The following COL16A1 variants were observed in gnomAD, a reference collection of about 807,000 sequenced individuals.
COL16A1 encodes collagen alpha-1(XVI) chain.
A neutral mutation model predicts 266.3 loss-of-function variants in COL16A1; 189 were observed. The ratio of observed to expected loss-of-function variants is 0.71; its 90% CI spans 0.63 to 0.80. COL16A1 has a LOEUF of 0.80. Ranked by LOEUF, COL16A1 falls within the 30% of genes least tolerant of loss-of-function variation. The probability of loss-of-function intolerance (pLI) is 0.00; values close to 1 mark genes in which losing one functional copy is unlikely to be tolerated. For synonymous variants in COL16A1, 740 were observed against 782.3 expected (o/e 0.95, Z 0.90); for missense variants, 1,928 against 2,122.4 (o/e 0.91, Z 1.80).
At chr1:31,681,175 C>T in intron 37 of COL16A1, 108 bp from the exon 38 acceptor site, 1 of 1,451,696 alleles carries the variant, frequency 6.9e-7, no homozygotes, top group Non-Finnish European at 9.1e-7. Context: ...CCAGGTTCCC[C>T]TGGAGCCCAG....
chr1:31,661,837 G>T, intron 58 of COL16A1, 133 bp from the exon 59 acceptor site: 2 of 964,054 alleles, frequency 2.1e-6, no homozygotes, highest in Non-Finnish European at 3.1e-6. Context: ...GCCTGGCTCA[G>T]CCTCTGACTG....
rs375549047 is a variant in COL16A1 at position 31,668,183 on chromosome 1, C to T, written c.3285G>A (p.Thr1095=). Residue 1095 remains threonine (T), a synonymous_variant, in exon 51 of 71, where the codon ACG becomes ACA. Transcript: ENST00000373672. The surrounding 1 kb of genome is among the most constrained non-coding windows in gnomAD (Gnocchi z 5.8). ...PPGQPGYPGA[T]GPPGLPGIKG... is the part of the protein sequence containing the mutation. ...TACTCACAGGCAGTCCTGGGGGGCC[C>T]GTGGCACCTGGGTAACCTGGTTGCC... 1.4e-4 allele frequency: 228 copies of T among 1,612,790 alleles called. 1 individual carries two copies. The African/African-American group carries it at 2.6e-3, about 18-fold the overall frequency.
intron 42 of COL16A1, among the ~76,000 whole-genome samples, chr1:31,676,324 CAAAA>C (rs11449957): frequency 7.0e-5 from 7 of 100,312 alleles, no homozygotes; most frequent in Admixed American, 1.9e-4. Flanking sequence ...GACTCCGTCT[CAAAA>C]AAAAAAAAAA....
rs1643939167 is a variant in COL16A1 at position 31,685,736 on chromosome 1, T to C, written c.1919A>G (p.Asn640Ser). The change falls in exon 29 of 71, where the codon AAC becomes AGC. Residue 640 changes from asparagine (N) to serine (S), a missense_variant. Around this residue, in one of 2 missense-constraint regions of COL16A1, gnomAD observed 1,552 missense variants for 1,637.2 expected, o/e 0.95. Transcript: ENST00000373672. The surrounding 1 kb of genome is among the most constrained non-coding windows in gnomAD (Gnocchi z 4.0). Reference protein sequence around the residue: ...EPCEPCPALSNLQDGDVRVVA... With the variant: ...EPCEPCPALSSLQDGDVRVVA... ...CACACGGACATCCCCATCCTGAAGGTTGGACAGGGCTGGGCACGGCTCACA... is the reference window on the plus strand; with the variant it reads ...CACACGGACATCCCCATCCTGAAGGCTGGACAGGGCTGGGCACGGCTCACA... The C allele has an allele frequency of 1.9e-6, 3 of 1,613,710 alleles. No individual in the cohort carries two copies. Among genetic ancestry groups the C allele is most frequent in the East Asian group, 4.5e-5 (2 of 44,876 alleles).
Position 31,692,087 on chromosome 1 carries a change from A to T in COL16A1, c.1195-20T>A. On this transcript the variant is annotated intron_variant, in intron 16 of 70. Transcript: ENST00000373672. ...CTGGCCCTGGGGAAGGAAGAAGCAGAGTGACCAGGATGAGGGAAGGGCCTG... is the reference window on the plus strand; with the variant it reads ...CTGGCCCTGGGGAAGGAAGAAGCAGTGTGACCAGGATGAGGGAAGGGCCTG... The T allele has an allele frequency of 6.2e-7, 1 of 1,613,388 alleles. No homozygotes were observed. The highest frequency in any genetic ancestry group is 8.5e-7 in the Non-Finnish European group (1 of 1,179,958).
At chr1:31,655,717 C>A in intron 66 of COL16A1, 2 of 763,118 alleles carry the variant, frequency 2.6e-6, no homozygotes, top group Non-Finnish European at 4.0e-6. Flanking sequence ...TGATGGCTCC[C>A]AAATGTCCTC....
chr1:31,659,355 A>G (rs1319024682), intron 62 of COL16A1, among the ~76,000 whole-genome samples: 1 of 152,036 alleles, frequency 6.6e-6, no homozygotes, highest in African/African-American at 2.4e-5. Context: ...AGGAGGGAAG[A>G]CCAGAAGCTG....
chr1:31,690,110 AC>A (rs1644191975), intron 22 of COL16A1: 2 of 639,476 alleles, frequency 3.1e-6, no homozygotes, highest in Non-Finnish European at 5.3e-6. Context: ...AGACATGGAA[AC>A]TTGGGCTAAG....
rs1333193237 is a variant in COL16A1 at position 31,652,606 on chromosome 1, A to G, written c.*45T>C. The stretch of plus-strand genomic sequence containing the variant: ...TCACAGAGTCCTATAAGCTTTGGCC[A>G]TTTATTCCCAACGGAGTCTTTCATC... On this transcript the variant is annotated 3_prime_UTR_variant, in exon 71 of 71. Coordinates refer to ENST00000373672, the MANE Select transcript of COL16A1 (RefSeq NM_001856.4). This position sits in a 1 kb window ranked among gnomAD's most constrained non-coding sequence, Gnocchi z 4.8. 6 of 1,508,614 alleles carry G rather than the reference A, an allele frequency of 4.0e-6. No individual in the cohort carries two copies. Among genetic ancestry groups the G allele is most frequent in the Non-Finnish European group, 5.3e-6 (6 of 1,130,644 alleles). The allele number at this position is 1,508,614 out of a possible 1,614,324, so 93.5% of individuals were successfully genotyped here.
Position 31,685,621 on chromosome 1 carries a change from G to T in COL16A1, c.2016+18C>A, listed in dbSNP as rs769255197. The T allele has an allele frequency of 1.9e-6, 3 of 1,612,568 alleles. No individual in the cohort carries two copies. The highest frequency in any genetic ancestry group is 3.3e-5 in the Admixed American group (2 of 59,934). ...CTGCATCCCCCGTCCAGAGGCCCCTGCCTATATCCCACCTCACCTGTTTTC... is the reference window on the plus strand; with the variant it reads ...CTGCATCCCCCGTCCAGAGGCCCCTTCCTATATCCCACCTCACCTGTTTTC... On this transcript the variant is annotated intron_variant, in intron 29 of 70. Coordinates refer to ENST00000373672, the MANE Select transcript of COL16A1 (RefSeq NM_001856.4). The surrounding 1 kb of genome is among the most constrained non-coding windows in gnomAD (Gnocchi z 4.0).
At chr1:31,653,833 C>T (rs778155393) in intron 69 of COL16A1, 34 bp downstream of exon 69, 23 of 1,592,510 alleles carry the variant, frequency 1.4e-5, no homozygotes, top group Non-Finnish European at 8.6e-7. Context: ...CAAAGAATTA[C>T]ATGTGTCCCT....
chr1:31,668,870 T>A lies in COL16A1; in HGVS notation c.3196-15A>T. The A allele has an allele frequency of 6.2e-7, 1 of 1,612,488 alleles. No individual in the cohort carries two copies. Among genetic ancestry groups the A allele is most frequent in the Non-Finnish European group, 8.5e-7 (1 of 1,179,360 alleles). The stretch of plus-strand genomic sequence containing the variant: ...CCTTGAAGGCCCTTGGAGAGAAAAA[T>A]CATGAGAAACTGCAGGAGCCGGCGG... On this transcript the variant is annotated splice_polypyrimidine_tract_variant and intron_variant, in intron 49 of 70. Coordinates refer to ENST00000373672, the MANE Select transcript of COL16A1 (RefSeq NM_001856.4). This position sits in a 1 kb window ranked among gnomAD's most constrained non-coding sequence, Gnocchi z 5.8.
At chr1:31,660,287 C>A in intron 62 of COL16A1, 1 of 312,376 alleles carries the variant, frequency 3.2e-6, no homozygotes, top group Non-Finnish European at 5.9e-6. Flanking sequence ...TTCTGTCACT[C>A]TGTCTCCCCA....
intron 17 of COL16A1, 46 bp downstream of exon 17, chr1:31,691,959 G>C (rs748997643): frequency 2.5e-6 from 4 of 1,612,556 alleles, no homozygotes; most frequent in Middle Eastern, 1.6e-4. Flanking sequence ...AGCATTCTCA[G>C]ACCCCGTGCT....
At position 31,698,402 on chromosome 1, in the gene COL16A1, G is replaced by A; in HGVS notation, c.390+81C>T. 3 of 1,588,612 alleles carry A rather than the reference G, an allele frequency of 1.9e-6. No homozygotes were observed. Among genetic ancestry groups the A allele is most frequent in the South Asian group, 2.3e-5 (2 of 86,106 alleles). The stretch of plus-strand genomic sequence containing the variant: ...AGGATGGAGCAGGGAGACCCCAGAA[G>A]TCACAAGCCGGGATGAAAGGTGGGC... On this transcript the variant is annotated intron_variant, in intron 5 of 70. Transcript: ENST00000373672. The surrounding 1 kb of genome is among the most constrained non-coding windows in gnomAD (Gnocchi z 4.1).
Position 31,697,752 on chromosome 1 carries a change from C to T in COL16A1, c.657+154G>A, listed in dbSNP as rs1167311090. 6.6e-6 allele frequency among the ~76,000 whole-genome samples: 1 copy of T among 152,072 alleles called. No individual in the cohort carries two copies. The highest frequency in any genetic ancestry group is 1.5e-5 in the Non-Finnish European group (1 of 67,986). ...ACCAGATCATGAAGGGCCTTGAATG[C>T]CAGGTGAATATGTTTAGGCTGCATT... On this transcript the variant is annotated intron_variant, in intron 6 of 70. Coordinates refer to ENST00000373672, the MANE Select transcript of COL16A1 (RefSeq NM_001856.4). The surrounding 1 kb of genome is among the most constrained non-coding windows in gnomAD (Gnocchi z 4.2).
chr1:31,685,621 G>C lies in COL16A1; in HGVS notation c.2016+18C>G. On this transcript the variant is annotated intron_variant, in intron 29 of 70. Transcript: ENST00000373672. The surrounding 1 kb of genome is among the most constrained non-coding windows in gnomAD (Gnocchi z 4.0). The stretch of plus-strand genomic sequence containing the variant: ...CTGCATCCCCCGTCCAGAGGCCCCT[G>C]CCTATATCCCACCTCACCTGTTTTC... 1 of 1,612,568 alleles carries C rather than the reference G, an allele frequency of 6.2e-7. No individual in the cohort carries two copies. The highest frequency in any genetic ancestry group is 1.1e-5 in the South Asian group (1 of 90,968).
At chr1:31,691,677 C>T in intron 17 of COL16A1, 35 bp from the exon 18 acceptor site, 2 of 1,602,970 alleles carry the variant, frequency 1.2e-6, no homozygotes, top group East Asian at 2.2e-5. Flanking sequence ...GTACAAACAG[C>T]CCTGAGGCCT....
At position 31,655,318 on chromosome 1, in the gene COL16A1, G is replaced by A. The variant is rs1641031851; in HGVS notation, c.4286C>T (p.Ser1429Phe). Residue 1429 changes from serine (S) to phenylalanine (F), a missense_variant, in exon 67 of 71, where the codon TCC becomes TTC. Ser to Phe is a radical substitution (Grantham distance 155, BLOSUM62 -2). Transcript: ENST00000373672. ...GCTGCCAGCCTTCCCCCTTACCATG[G>A]AGCCAGGCACACCAGGCAAGCCAGG... is the stretch of plus-strand genomic sequence containing the variant. ...GSPGLPGVPG[S>F]MGDMVNYDEI... 6.2e-7 allele frequency: 1 copy of A among 1,612,676 alleles called. No homozygotes were observed. Among genetic ancestry groups the A allele is most frequent in the African/African-American group, 1.3e-5 (1 of 74,812 alleles).
Sources: gnomAD v4.1 joint callset for allele counts (sites outside exome capture counted in the v4.1 genomes callset) on GRCh38, gnomAD v4.1.1 for gene constraint, gnomAD v4.1.1 regional missense constraint, Gnocchi (gnomAD v3.1) non-coding constraint, MANE v1.5 for transcripts, NCBI Gene and HGNC (gene_info 2026-07-23, HGNC 2026-07-21) for gene names.